Variants in CACNA2D4 observed in about 807,000 individuals in gnomAD.
The protein encoded by CACNA2D4 is calcium voltage-gated channel auxiliary subunit alpha2delta 4, also known as voltage-dependent calcium channel subunit alpha-2/delta-4.
A neutral mutation model predicts 163.8 loss-of-function variants in CACNA2D4; 157 were observed. That is an observed-to-expected ratio of 0.96 (90% CI 0.84 to 1.09). The LOEUF (loss-of-function observed/expected upper bound fraction) is 1.09. Ranked by LOEUF, CACNA2D4 falls within the 50% of genes least tolerant of loss-of-function variation. The pLI, the probability that CACNA2D4 is intolerant of heterozygous loss-of-function variation, is 0.00. For synonymous variants in CACNA2D4, 598 were observed against 586.9 expected, an observed-to-expected ratio of 1.02 and a Z score of -0.27; for missense variants, 1,410 against 1,479.9, an observed-to-expected ratio of 0.95 and a Z score of 0.78.
chr12:1,832,313 C>G (rs1864670303), intron 26 of CACNA2D4, among the ~76,000 whole-genome samples: 1 of 152,172 alleles, frequency 6.6e-6, no homozygotes, highest in Admixed American at 6.5e-5. Context: ...GGGAAGGAAA[C>G]AATATCTATT....
At chr12:1,804,188 ACAG>A (rs1175233379) in intron 29 of CACNA2D4, among the ~76,000 whole-genome samples, 1 of 150,114 alleles carries the variant, frequency 6.7e-6, no homozygotes, top group African/African-American at 2.5e-5. Flanking sequence ...CCCTCACCTG[ACAG>A]CAGGATTCTA....
chr12:1,829,012 C>A lies in CACNA2D4; in HGVS notation c.2551+11727G>T, dbSNP rs554973230. 6.6e-6 allele frequency among the ~76,000 whole-genome samples: 1 copy of A among 152,238 alleles called. No individual in the cohort carries two copies. The highest frequency in any genetic ancestry group is 1.5e-5 in the Non-Finnish European group (1 of 68,038). On this transcript the variant is annotated intron_variant, in intron 26 of 37. Transcript: ENST00000382722. This position sits in a 1 kb window ranked among gnomAD's most constrained non-coding sequence, Gnocchi z 4.2. The stretch of plus-strand genomic sequence containing the variant: ...TCCCGCTCTGATCCAGCACCCAACA[C>A]GGGCAGCCTGAATTATTCACCATGT...
At chr12:1,891,417 T>G (rs1052317126) in intron 6 of CACNA2D4, among the ~76,000 whole-genome samples, 2 of 152,162 alleles carry the variant, frequency 1.3e-5, no homozygotes, top group Admixed American at 1.3e-4. Context: ...ACCATAGATA[T>G]AGCTTTAGGA....
At chr12:1,885,890 A>C in intron 9 of CACNA2D4, 75 bp downstream of exon 9, 1 of 1,051,032 alleles carries the variant, frequency 9.5e-7, no homozygotes, top group Non-Finnish European at 1.4e-6. Context: ...CCACAGAAAC[A>C]GTCTACAGAG....
chr12:1,899,209 T>G (rs12824938), intron 6 of CACNA2D4, among the ~76,000 whole-genome samples: 22,992 of 152,088 alleles, frequency 0.15, 2,003 homozygotes, highest in African/African-American at 0.24. Context: ...TTAACATTTA[T>G]TTTAGAAATA....
In CACNA2D4 at chr12:1,886,052, T is replaced by G. The variant is rs753418808; in HGVS notation, c.994-13A>C. 8.1e-6 allele frequency: 13 copies of G among 1,607,598 alleles called. No individual in the cohort carries two copies. Among genetic ancestry groups the G allele is most frequent in the Non-Finnish European group, 1.1e-5 (13 of 1,174,456 alleles). ...CGTAGTCATTGTACTGCAGTTGCAG[T>G]GAGTTGAGGGGAGGTGGGGGGAGAA... On this transcript the variant is annotated splice_polypyrimidine_tract_variant and intron_variant, in intron 8 of 37. Coordinates refer to ENST00000382722, the MANE Select transcript of CACNA2D4 (RefSeq NM_172364.5).
At position 1,792,733 on chromosome 12, in the gene CACNA2D4, G is replaced by GGAAA. The variant is rs1946208282; in HGVS notation, c.*921_*922insTTTC. The GGAAA allele has an allele frequency of 6.6e-6, 1 of 152,158 alleles. No homozygotes were observed. Among genetic ancestry groups the GGAAA allele is most frequent in the Non-Finnish European group, 1.5e-5 (1 of 68,032 alleles). The allele number at this position is 152,158 out of a possible 1,614,324, so 9.4% of individuals were successfully genotyped here. A position where few individuals can be genotyped will look rare whatever the true frequency, so the allele number is the denominator to read the frequency against. ...TGGACCCTGCTTAGCAAGTTGGAAT[G>GGAAA]TTCCCACAAGTTCCAACCCTAAGGA... On this transcript the variant is annotated 3_prime_UTR_variant, in exon 38 of 38. Coordinates refer to ENST00000382722, the MANE Select transcript of CACNA2D4 (RefSeq NM_172364.5).
chr12:1,860,296 G>T, intron 18 of CACNA2D4, 90 bp from the exon 19 acceptor site: 1 of 920,576 alleles, frequency 1.1e-6, no homozygotes, highest in Non-Finnish European at 1.7e-6. Flanking sequence ...GGTCTTCATC[G>T]TCACTGTACA....
At chr12:1,895,137 G>C (rs116862571) in intron 6 of CACNA2D4, among the ~76,000 whole-genome samples, 963 of 152,012 alleles carry the variant, frequency 6.3e-3, no homozygotes, top group Non-Finnish European at 0.011. Context: ...CTCATTTACA[G>C]TAACTACCAA....
At chr12:1,814,752 C>T (rs1464439840) in intron 26 of CACNA2D4, among the ~76,000 whole-genome samples, 1 of 152,248 alleles carries the variant, frequency 6.6e-6, no homozygotes, top group African/African-American at 2.4e-5. Context: ...TGGATTAATG[C>T]AAGCACCCCC....
chr12:1,853,371 C>G (rs1042251448), intron 23 of CACNA2D4, among the ~76,000 whole-genome samples: 12 of 152,094 alleles, frequency 7.9e-5, no homozygotes, highest in Admixed American at 2.0e-4. Context: ...TTTTAATTTT[C>G]TAGTATCTAA....
At chr12:1,840,119 CTA>C (rs1333733090) in intron 26 of CACNA2D4, among the ~76,000 whole-genome samples, 2 of 152,264 alleles carry the variant, frequency 1.3e-5, no homozygotes, top group Middle Eastern at 3.4e-3. Context: ...GAACCTGAGA[CTA>C]TGTGTTTCTA....
chr12:1,818,613 A>G (rs1460142615), intron 26 of CACNA2D4, among the ~76,000 whole-genome samples: 1 of 151,266 alleles, frequency 6.6e-6, no homozygotes, highest in Non-Finnish European at 1.5e-5. Flanking sequence ...AATCTCAAGT[A>G]CCCAGGGACA....
rs149333592 is a variant in CACNA2D4, at chr12:1,806,816, C to T, written c.2721+3462G>A. Among the ~76,000 whole-genome samples the T allele has an allele frequency of 5.5e-4, 83 of 152,222 alleles. No individual in the cohort carries two copies. The highest frequency in any genetic ancestry group is 1.0e-3 in the Non-Finnish European group (68 of 68,024). On this transcript the variant is annotated intron_variant, in intron 29 of 37. Coordinates refer to ENST00000382722, the MANE Select transcript of CACNA2D4 (RefSeq NM_172364.5). The surrounding 1 kb of genome is among the most constrained non-coding windows in gnomAD (Gnocchi z 4.1). ...TGCATCTCTAACAAGCTCCCAGATG[C>T]TGGGGCTTCTGTCCTTCAGCCACAC... is the stretch of plus-strand genomic sequence containing the variant.
At chr12:1,851,651 TTGTGTGTGTG>T (rs71055202) in intron 23 of CACNA2D4, among the ~76,000 whole-genome samples, 44 of 118,588 alleles carry the variant, frequency 3.7e-4, no homozygotes, top group African/African-American at 1.3e-3. Context: ...TGGTGTGTGT[TTGTGTGTGTG>T]TGTGTGTGTG....
intron 1 of CACNA2D4, chr12:1,918,020 G>A (rs1201115997): frequency 2.0e-6 from 1 of 512,166 alleles, no homozygotes; most frequent in East Asian, 3.6e-5. Flanking sequence ...CGGCTCCTGG[G>A]GAGAGGCAGG....
Position 1,884,187 on chromosome 12 carries a change from C to A in CACNA2D4, c.1351+56G>T, listed in dbSNP as rs1315748717. The stretch of plus-strand genomic sequence containing the variant: ...GCTCAGCACTTCCAGGGCTGGGTAA[C>A]CCTGTCTCCTGTGCTCAGGTGCAGG... On this transcript the variant is annotated intron_variant, in intron 12 of 37. Transcript: ENST00000382722. The A allele has an allele frequency of 6.5e-6, 10 of 1,530,912 alleles. No homozygotes were observed. In the Admixed American group the frequency reaches 1.1e-4, roughly 16 times the overall value. The allele number at this position is 1,530,912 out of a possible 1,614,324, so 94.8% of individuals were successfully genotyped here.
intron 26 of CACNA2D4, among the ~76,000 whole-genome samples, chr12:1,826,655 G>A (rs1472780625): frequency 6.6e-6 from 1 of 152,208 alleles, no homozygotes; most frequent in African/African-American, 2.4e-5. Flanking sequence ...GGGAAGGGGA[G>A]GAAAGACAGC....
chr12:1,851,861 T>G (rs997871535), intron 23 of CACNA2D4, among the ~76,000 whole-genome samples: 7 of 152,150 alleles, frequency 4.6e-5, no homozygotes, highest in African/African-American at 1.7e-4. Flanking sequence ...ACACTGTCTT[T>G]CCATGTGTTC....
Sources: allele counts gnomAD v4.1 joint callset (sites outside exome capture counted in the v4.1 genomes callset), GRCh38; gene constraint gnomAD v4.1.1; non-coding constraint Gnocchi (gnomAD v3.1); transcripts MANE v1.5; gene names NCBI Gene and HGNC (gene_info 2026-07-23, HGNC 2026-07-21).